The following CACNA1B variants were observed in gnomAD, a reference collection of about 807,000 sequenced individuals.
CACNA1B encodes the protein calcium voltage-gated channel subunit alpha1 B.
In CACNA1B, 70 loss-of-function variants were observed where a neutral mutation model predicts 247.2. The observed-to-expected ratio is 0.28, with a 90% confidence interval of 0.23 to 0.35. The LOEUF (loss-of-function observed/expected upper bound fraction) is 0.35. CACNA1B is among the 10% of genes least tolerant of loss of function. CACNA1B has a pLI of 1.00. For missense variants in CACNA1B, 2,367 were observed against 3,197.4 expected (o/e 0.74, Z 6.26); for synonymous variants, 1,231 against 1,294.4 (o/e 0.95, Z 1.05).
chr9:137,963,119 C>T (rs1313898768), intron 10 of CACNA1B, among the ~76,000 whole-genome samples: 2 of 152,180 alleles, frequency 1.3e-5, no homozygotes, highest in Non-Finnish European at 2.9e-5. Flanking sequence ...GAATTGAACC[C>T]TTTACCACTA....
intron 37 of CACNA1B, among the ~76,000 whole-genome samples, 197 bp downstream of exon 37, chr9:138,096,808 G>A (rs1000824965): frequency 6.8e-6 from 1 of 148,018 alleles, no homozygotes; most frequent in Non-Finnish European, 1.5e-5. Flanking sequence ...CATCTCGTGT[G>A]CCTTCGCGCA....
chr9:138,035,862 C>G (rs1564250378), intron 20 of CACNA1B, among the ~76,000 whole-genome samples: 1 of 152,152 alleles, frequency 6.6e-6, no homozygotes, highest in African/African-American at 2.4e-5. Context: ...TTAAGTTTCT[C>G]TCTGAGAGTT....
In CACNA1B at chr9:138,072,241, C is replaced by T. The variant is rs1012190098; in HGVS notation, c.4675-1247C>T. The stretch of plus-strand genomic sequence containing the variant: ...GCATCCCGCCTGAGAGCCAGTACCT[C>T]GAGTTGAATCCTCAGCCACCCTGCC... On this transcript the variant is annotated intron_variant, in intron 32 of 46. Transcript: ENST00000371372. The surrounding 1 kb of genome is among the most constrained non-coding windows in gnomAD (Gnocchi z 4.5). 2.6e-5 allele frequency among the ~76,000 whole-genome samples: 4 copies of T among 152,322 alleles called. No homozygotes were observed. The highest frequency in any genetic ancestry group is 9.6e-5 in the African/African-American group (4 of 41,584).
At chr9:138,091,304 T>A (rs2131336013) in intron 36 of CACNA1B, among the ~76,000 whole-genome samples, 1 of 152,308 alleles carries the variant, frequency 6.6e-6, no homozygotes, top group African/African-American at 2.4e-5. Flanking sequence ...AAATATTGCA[T>A]GTTCTCACTC....
intron 18 of CACNA1B, chr9:138,017,283 T>C (rs181865539): frequency 2.0e-6 from 1 of 490,418 alleles, no homozygotes; most frequent in Admixed American, 2.1e-5. Context: ...CTAACTCTGC[T>C]ATCTCACCGC....
chr9:137,878,245 G>GA (rs1554917753), intron 1 of CACNA1B, 28 bp downstream of exon 1: 1 of 1,120,622 alleles, frequency 8.9e-7, no homozygotes, highest in Non-Finnish European at 1.1e-6. Context: ...GCCGGGCGGG[G>GA]CCGGGCGGGG....
chr9:138,074,610 C>T (rs1960250699), intron 34 of CACNA1B, among the ~76,000 whole-genome samples: 1 of 152,246 alleles, frequency 6.6e-6, no homozygotes, highest in Non-Finnish European at 1.5e-5. Flanking sequence ...GATTGGGCTG[C>T]TTGCCCAGGG....
At position 137,974,254 on chromosome 9, in the gene CACNA1B, G is replaced by A. The variant is rs1201770844; in HGVS notation, c.1544-1653G>A. Among the ~76,000 whole-genome samples the A allele has an allele frequency of 6.6e-6, 1 of 152,190 alleles. No individual in the cohort carries two copies. The highest frequency in any genetic ancestry group is 1.5e-5 in the Non-Finnish European group (1 of 68,030). On this transcript the variant is annotated intron_variant, in intron 11 of 46. Transcript: ENST00000371372. The surrounding 1 kb of genome is among the most constrained non-coding windows in gnomAD (Gnocchi z 4.5). ...GGGTCCAGTGGTCTCAGTTGAGGGTGGATCCTTCCATTCCCGAGCAGCCCT... is the reference window on the plus strand; with the variant it reads ...GGGTCCAGTGGTCTCAGTTGAGGGTAGATCCTTCCATTCCCGAGCAGCCCT...
At chr9:137,933,532 T>C (rs1957631283) in intron 6 of CACNA1B, among the ~76,000 whole-genome samples, 1 of 152,254 alleles carries the variant, frequency 6.6e-6, no homozygotes, top group East Asian at 1.9e-4. Flanking sequence ...GCTTATCCTG[T>C]CATTGTAACC....
Position 138,025,143 on chromosome 9 carries a change from G to C in CACNA1B, c.3257G>C (p.Gly1086Ala). 6.2e-7 allele frequency: 1 copy of C among 1,612,290 alleles called. No individual in the cohort carries two copies. The highest frequency in any genetic ancestry group is 8.5e-7 in the Non-Finnish European group (1 of 1,179,140). ...TIVHIPVMLT[G>A]PLGEATVVPS... ...GTACATATCCCAGTGATGCTGACGG[G>C]CCCTCTTGGGGAAGCCACGGTCGTT... Residue 1086 changes from glycine (G) to alanine (A), a missense_variant, in exon 20 of 47, where the codon GGC becomes GCC. Coordinates refer to ENST00000371372, the MANE Select transcript of CACNA1B (RefSeq NM_000718.4).
Position 138,054,086 on chromosome 9 carries a change from G to C in CACNA1B, c.3968+80G>C. ...CTGGGAGTTCCCTTGGGACCAGGTG[G>C]AGCTGGTCACACGGCGTGGGAGACT... On this transcript the variant is annotated intron_variant, in intron 26 of 46. Coordinates refer to ENST00000371372, the MANE Select transcript of CACNA1B (RefSeq NM_000718.4). The surrounding 1 kb of genome is among the most constrained non-coding windows in gnomAD (Gnocchi z 4.6). The C allele has an allele frequency of 3.7e-6, 5 of 1,363,720 alleles. No individual in the cohort carries two copies. Among genetic ancestry groups the C allele is most frequent in the Middle Eastern group, 2.1e-4 (1 of 4,796 alleles). The allele number at this position is 1,363,720 out of a possible 1,614,324, so 84.5% of individuals were successfully genotyped here. A position where few individuals can be genotyped will look rare whatever the true frequency, so the allele number is the denominator to read the frequency against.
chr9:137,969,410 G>A (rs1047913681), intron 10 of CACNA1B, among the ~76,000 whole-genome samples: 3 of 152,118 alleles, frequency 2.0e-5, no homozygotes, highest in Non-Finnish European at 4.4e-5. Flanking sequence ...ACAGGAAGAT[G>A]TGTGTGTGTG....
In CACNA1B at chr9:137,952,387, C is replaced by A. The variant is rs769329627; in HGVS notation, c.1070+10C>A. On this transcript the variant is annotated intron_variant, in intron 7 of 46. Transcript: ENST00000371372. The surrounding 1 kb of genome is among the most constrained non-coding windows in gnomAD (Gnocchi z 4.8). ...TGGGCGTGCTCTCGGGGTGAGAGAC[C>A]ATGTGGGGGATGTGCAGGTGCCCCT... The A allele has an allele frequency of 2.5e-6, 4 of 1,606,858 alleles. No homozygotes were observed. The highest frequency in any genetic ancestry group is 3.4e-6 in the Non-Finnish European group (4 of 1,173,648).
chr9:138,121,991 T>C lies in CACNA1B; in HGVS notation c.7012T>C (p.Trp2338Arg). ...CTACCACCACCCTGACCAAGACCAC[T>C]GGTGCTAGCTGCACCGTGACCGCTC... ...HSYHHPDQDH[W>R]C The change falls in exon 47 of 47, where the codon TGG becomes CGG. Residue 2338 changes from tryptophan (W) to arginine (R), a missense_variant. Trp to Arg is a moderately radical substitution (Grantham distance 101, BLOSUM62 -3). Coordinates refer to ENST00000371372, the MANE Select transcript of CACNA1B (RefSeq NM_000718.4). The surrounding 1 kb of genome is among the most constrained non-coding windows in gnomAD (Gnocchi z 6.8). 1 of 1,598,026 alleles carries C rather than the reference T, an allele frequency of 6.3e-7. No individual in the cohort carries two copies. The highest frequency in any genetic ancestry group is 8.5e-7 in the Non-Finnish European group (1 of 1,178,520).
intron 6 of CACNA1B, among the ~76,000 whole-genome samples, chr9:137,946,291 G>T (rs1957795591): frequency 6.6e-6 from 1 of 152,130 alleles, no homozygotes; most frequent in Non-Finnish European, 1.5e-5. Context: ...GTAAGAGAAG[G>T]GGTCAAAATG....
At chr9:137,902,044 A>G (rs548242497) in intron 3 of CACNA1B, among the ~76,000 whole-genome samples, 2 of 152,222 alleles carry the variant, frequency 1.3e-5, no homozygotes, top group African/African-American at 4.8e-5. Context: ...TTTTCTTGTT[A>G]TATCCAGTGT....
chr9:137,940,275 A>C (rs560045622), intron 6 of CACNA1B, among the ~76,000 whole-genome samples: 19 of 152,346 alleles, frequency 1.2e-4, no homozygotes, highest in South Asian at 8.3e-4. Context: ...AAGATTTTTC[A>C]AGGCTACTGT....
intron 15 of CACNA1B, among the ~76,000 whole-genome samples, chr9:138,000,693 C>T (rs1183281993): frequency 1.3e-5 from 2 of 152,174 alleles, no homozygotes. Context: ...AGACAAAATG[C>T]AGACCAGAAC....
At chr9:137,887,501 G>C (rs1439345063) in intron 3 of CACNA1B, among the ~76,000 whole-genome samples, 2 of 142,124 alleles carry the variant, frequency 1.4e-5, no homozygotes, top group African/African-American at 2.6e-5. Context: ...GAGGGAAGCA[G>C]AGTCCAGGAC....
Sources: gnomAD v4.1 joint callset for allele counts (sites outside exome capture counted in the v4.1 genomes callset) on GRCh38, gnomAD v4.1.1 for gene constraint, Gnocchi (gnomAD v3.1) non-coding constraint, MANE v1.5 for transcripts, NCBI Gene and HGNC (gene_info 2026-07-23, HGNC 2026-07-21) for gene names.